Variants in NUP43 observed in about 807,000 individuals in gnomAD.
NUP43 encodes nucleoporin 43, also known as nucleoporin Nup43.
In NUP43, 32 loss-of-function variants were observed where a neutral mutation model predicts 47.3. The observed-to-expected ratio is 0.68, with a 90% CI of 0.51 to 0.91. The LOEUF (loss-of-function observed/expected upper bound fraction) is 0.91. NUP43 is among the 40% of genes least tolerant of loss of function. The pLI, the probability that NUP43 is intolerant of heterozygous loss-of-function variation, is 0.00. For missense variants in NUP43, 444 were observed against 453.9 expected, an observed-to-expected ratio of 0.98 and a Z score of 0.20; for synonymous variants, 147 against 158.4, an observed-to-expected ratio of 0.93 and a Z score of 0.54.
intron 2 of NUP43, among the ~76,000 whole-genome samples, chr6:149,745,518 C>G (rs1038892435): frequency 1.3e-5 from 2 of 152,038 alleles, no homozygotes; most frequent in African/African-American, 4.8e-5. Flanking sequence ...GAGCACTAAT[C>G]TCTACTTAGG....
intron 4 of NUP43, among the ~76,000 whole-genome samples, chr6:149,740,497 C>A (rs1420149903): frequency 1.3e-5 from 2 of 151,628 alleles, no homozygotes; most frequent in Non-Finnish European, 2.9e-5. Flanking sequence ...GGTGTGGTGG[C>A]GTGCGCCTGT....
rs138246789 is a variant in NUP43 at position 149,731,646 on chromosome 6, C to T, written c.880G>A (p.Asp294Asn). The change falls in exon 7 of 8, where the codon GAT becomes AAT. Residue 294 changes from aspartate to asparagine, a missense_variant. Transcript: ENST00000340413. ...AAGAGTGACGACTTTTCAGGTACAT[C>T]TGTGGAAGCATCCCAGTGCCAGAGG... Reference protein sequence around the residue: ...GSLWHWDASTDVPEKSSLFHQ... With the variant: ...GSLWHWDASTNVPEKSSLFHQ... 2.6e-4 allele frequency: 426 copies of T among 1,612,978 alleles called. No individual in the cohort carries two copies. The highest frequency in any genetic ancestry group is 1.5e-3 in the Middle Eastern group (9 of 6,052).
At chr6:149,727,528 G>GA (rs1333165309) in intron 7 of NUP43, 19 of 981,816 alleles carry the variant, frequency 1.9e-5, no homozygotes, top group South Asian at 1.4e-4. Context: ...AATAAGGAAA[G>GA]AAAAAAAAGA....
intron 4 of NUP43, among the ~76,000 whole-genome samples, 184 bp downstream of exon 4, chr6:149,742,206 A>C (rs1349057316): frequency 6.6e-6 from 1 of 152,140 alleles, no homozygotes; most frequent in Admixed American, 6.6e-5. Flanking sequence ...CTGTAGTTTT[A>C]GTAGAGACGG....
intron 6 of NUP43, among the ~76,000 whole-genome samples, chr6:149,733,375 C>T (rs1165834288): frequency 1.3e-5 from 2 of 151,998 alleles, no homozygotes; most frequent in Admixed American, 6.6e-5. Context: ...TTTCTTAGCC[C>T]ACATATGTAT....
At chr6:149,730,714 T>C (rs1784990834) in intron 7 of NUP43, among the ~76,000 whole-genome samples, 1 of 152,108 alleles carries the variant, frequency 6.6e-6, no homozygotes. Flanking sequence ...GAAGATTGCT[T>C]GAGCTCAGGA....
At chr6:149,739,434 A>G (rs191867887) in intron 4 of NUP43, among the ~76,000 whole-genome samples, 4 of 151,180 alleles carry the variant, frequency 2.6e-5, no homozygotes, top group African/African-American at 9.7e-5. Flanking sequence ...TTACAGGTAC[A>G]TGCCACCATG....
rs555194901 is a variant in NUP43, at chr6:149,743,544, G to A, written c.321+94C>T. ...CAGAAGGTGGAGGCTGCGGTGAGCC[G>A]AGACTGCGCCACTGCACTCCAGTGC... On this transcript the variant is annotated intron_variant, in intron 3 of 7. Transcript: ENST00000340413. The A allele has an allele frequency of 3.6e-5, 26 of 719,060 alleles. 1 individual carries two copies. The Admixed American group carries it at 4.2e-4, about 11-fold the overall frequency. 44.5% of individuals were successfully genotyped at this position (719,060 alleles called of 1,614,324 possible).
intron 7 of NUP43, chr6:149,728,345 T>C: frequency 1.0e-6 from 1 of 985,126 alleles, no homozygotes; most frequent in Non-Finnish European, 1.2e-6. Flanking sequence ...ACTGTGCGGT[T>C]AGGGGAGGAA....
rs1351568241 is a variant in NUP43 at position 149,726,796 on chromosome 6, CTGTT to C, written c.*169_*172del. ...ATCAGTCATCTATCGGATTCTACAA[CTGTT>C]TGGGAGTGTCAGGCTAACAAAAGTC... On this transcript the variant is annotated 3_prime_UTR_variant, in exon 8 of 8. Transcript: ENST00000340413. 8.3e-6 allele frequency: 5 copies of C among 604,720 alleles called. No individual in the cohort carries two copies. The highest frequency in any genetic ancestry group is 1.5e-5 in the Non-Finnish European group (5 of 339,258). The allele number at this position is 604,720 out of a possible 1,614,324, so 37.5% of individuals were successfully genotyped here.
At position 149,738,783 on chromosome 6, in the gene NUP43, A is replaced by G; in HGVS notation, c.503-5T>C. On this transcript the variant is annotated splice_region_variant and splice_polypyrimidine_tract_variant and intron_variant, in intron 4 of 7. Coordinates refer to ENST00000340413, the MANE Select transcript of NUP43 (RefSeq NM_198887.3). ...GTGTACTACTATCTGCATTGTCTAA[A>G]AATTTAAAAAATGGTAGTATGTGTT... 6.8e-7 allele frequency: 1 copy of G among 1,470,680 alleles called. No homozygotes were observed. The highest frequency in any genetic ancestry group is 9.0e-7 in the Non-Finnish European group (1 of 1,109,476). The allele number at this position is 1,470,680 out of a possible 1,614,324, so 91.1% of individuals were successfully genotyped here.
rs776137295 is a variant in NUP43 at position 149,738,795 on chromosome 6, T to C, written c.503-17A>G. The C allele has an allele frequency of 8.2e-6, 12 of 1,457,322 alleles. No individual in the cohort carries two copies. Among genetic ancestry groups the C allele is most frequent in the Non-Finnish European group, 1.0e-5 (11 of 1,100,112 alleles). The allele number at this position is 1,457,322 out of a possible 1,614,324, so 90.3% of individuals were successfully genotyped here. Reference sequence around the variant, plus strand: ...CTGCATTGTCTAAAAATTTAAAAAATGGTAGTATGTGTTAATGAGTCCCCT... The same window carrying C: ...CTGCATTGTCTAAAAATTTAAAAAACGGTAGTATGTGTTAATGAGTCCCCT... On this transcript the variant is annotated splice_polypyrimidine_tract_variant and intron_variant, in intron 4 of 7. Coordinates refer to ENST00000340413, the MANE Select transcript of NUP43 (RefSeq NM_198887.3).
intron 6 of NUP43, among the ~76,000 whole-genome samples, chr6:149,735,328 A>C (rs550246612): frequency 1.3e-5 from 2 of 152,268 alleles, no homozygotes; most frequent in African/African-American, 4.8e-5. Context: ...GGAGCCTGGA[A>C]CTACAGGCAT....
chr6:149,734,903 GAAAAA>G (rs35960957), intron 6 of NUP43, among the ~76,000 whole-genome samples: 1 of 132,354 alleles, frequency 7.6e-6, no homozygotes, highest in Non-Finnish European at 1.6e-5. Flanking sequence ...AGAATCAAAA[GAAAAA>G]AAAAAGCTTA....
In NUP43 at chr6:149,738,638, C is replaced by CT; in HGVS notation, c.638+4dup. The CT allele has an allele frequency of 6.4e-7, 1 of 1,555,822 alleles. No individual in the cohort carries two copies. The highest frequency in any genetic ancestry group is 8.7e-7 in the Non-Finnish European group (1 of 1,154,036). Reference sequence around the variant, plus strand: ...ACATTACTGAAATTACAAATCAACACTTACAGTGACAATATCTGAGAAGGC... The same window carrying CT: ...ACATTACTGAAATTACAAATCAACACTTTACAGTGACAATATCTGAGAAGGC... On this transcript the variant is annotated splice_donor_region_variant and intron_variant, in intron 5 of 7. Transcript: ENST00000340413.
intron 7 of NUP43, chr6:149,727,578 G>A: frequency 1.1e-6 from 1 of 901,738 alleles, no homozygotes; most frequent in Non-Finnish European, 1.3e-6. Context: ...ATAAACTCTT[G>A]GGTAATAACA....
chr6:149,735,289 A>G (rs1785265155), intron 6 of NUP43, among the ~76,000 whole-genome samples: 1 of 152,134 alleles, frequency 6.6e-6, no homozygotes, highest in African/African-American at 2.4e-5. Context: ...GGCTCAAGCA[A>G]TCTTCCTGCC....
Position 149,743,639 on chromosome 6 carries a change from T to C in NUP43, c.320A>G (p.Gln107Arg), listed in dbSNP as rs371303548. The part of the protein sequence containing the change: ...VTVFLHHPNN[Q>R]TLSVNQQWTT... ...ACTTCTCAAACTAAAGTTCTTTACC[T>C]GGTTATTTGGATGGTGAAGGAAAAC... Residue 107 changes from glutamine (Q) to arginine (R), a missense_variant and splice_region_variant, in exon 3 of 8, where the codon CAG (glutamine) becomes CGG (arginine). Gln to Arg is a conservative substitution (Grantham distance 43). Transcript: ENST00000340413. 1 of 1,575,520 alleles carries C rather than the reference T, an allele frequency of 6.3e-7. No homozygotes were observed. The highest frequency in any genetic ancestry group is 1.4e-5 in the African/African-American group (1 of 73,976).
At chr6:149,746,218 G>T in intron 1 of NUP43, 156 bp from the exon 2 acceptor site, 2 of 1,305,594 alleles carry the variant, frequency 1.5e-6, no homozygotes, top group Non-Finnish European at 2.1e-6. Flanking sequence ...TGCCATCACC[G>T]GCTCTGAGCT....
Sources: gnomAD v4.1 joint callset for allele counts (sites outside exome capture counted in the v4.1 genomes callset) on GRCh38, gnomAD v4.1.1 for gene constraint, MANE v1.5 for transcripts, NCBI Gene and HGNC (gene_info 2026-07-23, HGNC 2026-07-21) for gene names.